The following ACSS1 variants were observed in gnomAD, a reference collection of about 807,000 sequenced individuals.
ACSS1 encodes acetyl-coenzyme A synthetase 2-like, mitochondrial.
In ACSS1, 42 loss-of-function variants were observed where a neutral mutation model predicts 75.3. The observed-to-expected ratio is 0.56, with a 90% CI of 0.44 to 0.72. The LOEUF is 0.72. ACSS1 is among the 30% of genes least tolerant of loss of function. The pLI is 0.00. For synonymous variants in ACSS1, 380 were observed against 376.8 expected, an observed-to-expected ratio of 1.01 and a Z score of -0.10; for missense variants, 782 against 935.7, an observed-to-expected ratio of 0.84 and a Z score of 2.14.
chr20:25,038,137 A>AGCTGGAGGAGG (rs2122714730), intron 2 of ACSS1, among the ~76,000 whole-genome samples: 1 of 152,344 alleles, frequency 6.6e-6, no homozygotes, highest in South Asian at 2.1e-4. Context: ...TAGTGATGCC[A>AGCTGGAGGAGG]GCTCAGCCAG....
intron 1 of ACSS1, among the ~76,000 whole-genome samples, chr20:25,054,708 T>A (rs2089219575): frequency 6.6e-6 from 1 of 152,232 alleles, no homozygotes; most frequent in Non-Finnish European, 1.5e-5. Flanking sequence ...AACAGGCAGA[T>A]GACTCCAACC....
At chr20:25,022,300 G>T (rs1268369356) in intron 5 of ACSS1, among the ~76,000 whole-genome samples, 6 of 152,172 alleles carry the variant, frequency 3.9e-5, no homozygotes, top group Non-Finnish European at 8.8e-5. Context: ...GGCAAAGGTT[G>T]CAGTGATCTG....
chr20:25,033,396 A>C (rs1264899785), intron 2 of ACSS1, among the ~76,000 whole-genome samples: 1 of 152,212 alleles, frequency 6.6e-6, no homozygotes, highest in Non-Finnish European at 1.5e-5. Context: ...CTGAGCTGCC[A>C]TGTGACCATC....
intron 2 of ACSS1, among the ~76,000 whole-genome samples, chr20:25,043,340 C>T (rs2089035599): frequency 6.6e-6 from 1 of 152,224 alleles, no homozygotes; most frequent in Non-Finnish European, 1.5e-5. Context: ...GGGCTGACAA[C>T]AGAAACAAGC....
chr20:25,029,902 C>A (rs1343547562), intron 3 of ACSS1, among the ~76,000 whole-genome samples: 1 of 152,220 alleles, frequency 6.6e-6, no homozygotes, highest in South Asian at 2.1e-4. Context: ...AAGGACATAA[C>A]CTTTGTAGAG....
intron 3 of ACSS1, among the ~76,000 whole-genome samples, chr20:25,024,990 G>C (rs1344761877): frequency 1.3e-5 from 2 of 152,208 alleles, no homozygotes; most frequent in African/African-American, 4.8e-5. Context: ...CAGTTGGGTG[G>C]AGCCTATCAG....
chr20:25,032,739 G>A (rs577986146), intron 2 of ACSS1: 18 of 1,089,468 alleles, frequency 1.7e-5, no homozygotes, highest in Non-Finnish European at 1.9e-5. Flanking sequence ...GAGGCCACCC[G>A]GGAAACCACA....
At chr20:25,028,278 C>T (rs1231937715) in intron 3 of ACSS1, among the ~76,000 whole-genome samples, 1 of 152,022 alleles carries the variant, frequency 6.6e-6, no homozygotes, top group African/African-American at 2.4e-5. Flanking sequence ...TATGAAAATA[C>T]AAGAAAGCAA....
intron 7 of ACSS1, among the ~76,000 whole-genome samples, chr20:25,016,660 A>G (rs1316524733): frequency 6.6e-6 from 1 of 152,244 alleles, no homozygotes; most frequent in African/African-American, 2.4e-5. Context: ...ACCTGCACTC[A>G]GAACATCCAC....
chr20:25,029,817 A>G (rs2088790610), intron 3 of ACSS1, among the ~76,000 whole-genome samples: 1 of 152,260 alleles, frequency 6.6e-6, no homozygotes, highest in African/African-American at 2.4e-5. Flanking sequence ...TAAGATGGTT[A>G]CAACAGTAAT....
intron 10 of ACSS1, 90 bp downstream of exon 10, chr20:25,013,446 G>A: frequency 2.0e-6 from 3 of 1,485,422 alleles, no homozygotes; most frequent in African/African-American, 1.4e-5. Flanking sequence ...GTGTTACGCT[G>A]CACTCAAATC....
At position 25,057,515 on chromosome 20, in the gene ACSS1, C is replaced by A. The variant is rs566742117; in HGVS notation, c.334+254G>T. Among the ~76,000 whole-genome samples the A allele has an allele frequency of 2.0e-4, 31 of 152,316 alleles. No individual in the cohort carries two copies. In the South Asian group the frequency reaches 5.8e-3, roughly 28 times the overall value. ...GCGCCGAGCAAGGCCAGCAGCGGGGCGTCCCAAGCGGCCGCCGGGTCCCCG... is the reference window on the plus strand; with the variant it reads ...GCGCCGAGCAAGGCCAGCAGCGGGGAGTCCCAAGCGGCCGCCGGGTCCCCG... On this transcript the variant is annotated intron_variant, in intron 1 of 13. Coordinates refer to ENST00000323482, the MANE Select transcript of ACSS1 (RefSeq NM_032501.4).
rs150793632 is a variant in ACSS1, at chr20:25,007,931, C to T, written c.1901G>A (p.Arg634His). 7.4e-6 allele frequency: 12 copies of T among 1,614,022 alleles called. No homozygotes were observed. Among genetic ancestry groups the T allele is most frequent in the South Asian group, 2.2e-5 (2 of 91,064 alleles). ...CTTCCCAGACCTGGTTTTTGGAAGA[C>T]GTTTCACCACCTGGCAAGGAACAGG... ...AVPDEILVVK[R>H]LPKTRSGKVM... The change falls in exon 14 of 14, where the codon CGT (arginine) becomes CAT (histidine). Residue 634 changes from arginine (R) to histidine (H), a missense_variant. Around this residue, in one of 2 missense-constraint regions of ACSS1, gnomAD observed 405 missense variants for 552.6 expected, o/e 0.73. Coordinates refer to ENST00000323482, the MANE Select transcript of ACSS1 (RefSeq NM_032501.4).
Position 25,006,674 on chromosome 20 carries a change from G to A in ACSS1, c.*1088C>T, listed in dbSNP as rs892553054. 1 of 870,668 alleles carries A rather than the reference G, an allele frequency of 1.1e-6. No individual in the cohort carries two copies. Among genetic ancestry groups the A allele is most frequent in the Non-Finnish European group, 1.7e-6 (1 of 590,514 alleles). 53.9% of individuals were successfully genotyped at this position (870,668 alleles called of 1,614,324 possible). A position where few individuals can be genotyped will look rare whatever the true frequency, so the allele number is the denominator to read the frequency against. On this transcript the variant is annotated 3_prime_UTR_variant, in exon 14 of 14. Transcript: ENST00000323482. ...CCAGCCCCTGCATGCCTAGCAGGGA[G>A]GTAAGCACCCACTGGCGTCGTGATT...
intron 13 of ACSS1, among the ~76,000 whole-genome samples, chr20:25,008,704 C>T (rs1448167016): frequency 6.6e-6 from 1 of 152,186 alleles, no homozygotes; most frequent in Non-Finnish European, 1.5e-5. Context: ...TCTGCGATCT[C>T]CTTCACTGCC....
intron 3 of ACSS1, among the ~76,000 whole-genome samples, chr20:25,027,751 A>G (rs2088746791): frequency 6.6e-6 from 1 of 151,642 alleles, no homozygotes; most frequent in South Asian, 2.1e-4. Context: ...TCAACATTGT[A>G]AACAAAGTTG....
rs2089188476 is a variant in ACSS1, at chr20:25,052,485, C to A, written c.335-4304G>T. 3.3e-5 allele frequency among the ~76,000 whole-genome samples: 5 copies of A among 152,370 alleles called. No homozygotes were observed. In the South Asian group the frequency reaches 1.0e-3, roughly 32 times the overall value. On this transcript the variant is annotated intron_variant, in intron 1 of 13. Coordinates refer to ENST00000323482, the MANE Select transcript of ACSS1 (RefSeq NM_032501.4). ...CCCCATTACAGGGCACAATGCCATTCCCCAAGGGCAGGGACTGTGTCCCTA... is the reference window on the plus strand; with the variant it reads ...CCCCATTACAGGGCACAATGCCATTACCCAAGGGCAGGGACTGTGTCCCTA...
At position 25,007,374 on chromosome 20, in the gene ACSS1, G is replaced by C; in HGVS notation, c.*388C>G. The C allele has an allele frequency of 2.7e-6, 3 of 1,098,466 alleles. No homozygotes were observed. Among genetic ancestry groups the C allele is most frequent in the Non-Finnish European group, 3.3e-6 (3 of 901,036 alleles). The allele number at this position is 1,098,466 out of a possible 1,614,324, so 68.0% of individuals were successfully genotyped here. On this transcript the variant is annotated 3_prime_UTR_variant, in exon 14 of 14. Transcript: ENST00000323482. ...GATTTCTGACCTTTGTATCTAGACA[G>C]ATCTGGAGAAAACACGGTTGCTACT...
At chr20:25,049,272 C>T (rs930573557) in intron 1 of ACSS1, among the ~76,000 whole-genome samples, 9 of 152,200 alleles carry the variant, frequency 5.9e-5, no homozygotes, top group African/African-American at 1.4e-4. Context: ...ATTTACACAA[C>T]ATCTCTGTGT....
Sources: gnomAD v4.1 joint callset for allele counts (sites outside exome capture counted in the v4.1 genomes callset) on GRCh38, gnomAD v4.1.1 for gene constraint, gnomAD v4.1.1 regional missense constraint, MANE v1.5 for transcripts, NCBI Gene and HGNC (gene_info 2026-07-23, HGNC 2026-07-21) for gene names.